MARCHF4: variants seen among roughly 807,000 people sequenced by gnomAD.
MARCHF4 encodes the protein E3 ubiquitin-protein ligase MARCHF4.
Under a neutral mutation model 43.9 loss-of-function variants are expected in MARCHF4, and 14 were observed. The observed-to-expected ratio is 0.32, with a 90% CI of 0.21 to 0.50. MARCHF4 has a LOEUF of 0.50. Ranked by LOEUF, MARCHF4 falls within the 20% of genes least tolerant of loss-of-function variation. The probability of loss-of-function intolerance (pLI) is 0.98; values close to 1 mark genes in which losing one functional copy is unlikely to be tolerated. For missense variants in MARCHF4, 468 were observed against 536.7 expected (o/e 0.87, Z 1.27); for synonymous variants, 226 against 213.3 (o/e 1.06, Z -0.52).
intron 1 of MARCHF4, among the ~76,000 whole-genome samples, chr2:216,354,917 T>TCC (rs1308431337): frequency 8.1e-5 from 9 of 111,036 alleles, no homozygotes; most frequent in East Asian, 2.7e-4. Flanking sequence ...CTTTCTTTCT[T>TCC]TCTTTCTTTC....
intron 3 of MARCHF4, chr2:216,266,008 A>T (rs924207033): frequency 6.6e-6 from 1 of 152,278 alleles, no homozygotes; most frequent in Middle Eastern, 3.4e-3. Context: ...CTAAATTTTG[A>T]TCACAAAACT....
intron 1 of MARCHF4, among the ~76,000 whole-genome samples, chr2:216,362,039 G>A (rs1299837660): frequency 6.6e-6 from 1 of 152,150 alleles, no homozygotes; most frequent in African/African-American, 2.4e-5. Context: ...AGACCACTCT[G>A]CTGGGAAGGG....
chr2:216,298,291 G>A (rs1157437373), intron 1 of MARCHF4, among the ~76,000 whole-genome samples: 3 of 112,480 alleles, frequency 2.7e-5, no homozygotes, highest in African/African-American at 1.0e-4. Context: ...TTTTTACAGG[G>A]TCTGACTCTG....
chr2:216,307,233 C>G (rs887246174), intron 1 of MARCHF4, among the ~76,000 whole-genome samples: 5 of 152,130 alleles, frequency 3.3e-5, no homozygotes, highest in African/African-American at 1.2e-4. Context: ...CCCGCAGGGA[C>G]TCACAGGGGC....
chr2:216,348,873 T>G (rs1692359765), intron 1 of MARCHF4, among the ~76,000 whole-genome samples: 1 of 152,028 alleles, frequency 6.6e-6, no homozygotes, highest in Admixed American at 6.5e-5. Context: ...CCATTCAAAC[T>G]TGATCAATTT....
chr2:216,327,260 C>T (rs895604396), intron 1 of MARCHF4, among the ~76,000 whole-genome samples: 10 of 151,954 alleles, frequency 6.6e-5, no homozygotes, highest in Non-Finnish European at 1.3e-4. Flanking sequence ...AAGCCCCATG[C>T]CCTTTCTATT....
At chr2:216,277,277 G>C (rs528240970) in intron 3 of MARCHF4, among the ~76,000 whole-genome samples, 1 of 152,298 alleles carries the variant, frequency 6.6e-6, no homozygotes, top group East Asian at 1.9e-4. Context: ...TCTCTAGGTA[G>C]TTTGCTGTGA....
chr2:216,299,584 A>ATTTCAGCC (rs1691455119), intron 1 of MARCHF4, among the ~76,000 whole-genome samples: 1 of 152,312 alleles, frequency 6.6e-6, no homozygotes, highest in Non-Finnish European at 1.5e-5. Context: ...CCCTGCTGCA[A>ATTTCAGCC]TTTCAGCCTT....
chr2:216,344,144 T>A (rs1692277003), intron 1 of MARCHF4, among the ~76,000 whole-genome samples: 1 of 152,148 alleles, frequency 6.6e-6, no homozygotes, highest in Admixed American at 6.6e-5. Context: ...TATAGAGGAA[T>A]GGGAAGTGGC....
At chr2:216,295,758 C>T (rs1691380725) in intron 1 of MARCHF4, among the ~76,000 whole-genome samples, 1 of 152,158 alleles carries the variant, frequency 6.6e-6, no homozygotes, top group African/African-American at 2.4e-5. Flanking sequence ...TGCCTGGGAG[C>T]CTAGATCATG....
intron 1 of MARCHF4, among the ~76,000 whole-genome samples, chr2:216,298,969 T>C (rs1298501977): frequency 6.6e-6 from 1 of 152,222 alleles, no homozygotes; most frequent in Non-Finnish European, 1.5e-5. Context: ...TTTCCACCTA[T>C]GTCATCTGAG....
At chr2:216,277,642 C>T (rs1691048488) in intron 3 of MARCHF4, 30 bp downstream of exon 3, 1 of 1,565,040 alleles carries the variant, frequency 6.4e-7, no homozygotes, top group Non-Finnish European at 8.7e-7. Context: ...TGGTTCCCCA[C>T]TTCCCATGGA....
At chr2:216,366,727 C>T (rs1692671795) in intron 1 of MARCHF4, among the ~76,000 whole-genome samples, 1 of 152,168 alleles carries the variant, frequency 6.6e-6, no homozygotes, top group Non-Finnish European at 1.5e-5. Flanking sequence ...CCCACTGCCT[C>T]CCTTTCATTC....
At chr2:216,354,317 G>A (rs554177607) in intron 1 of MARCHF4, among the ~76,000 whole-genome samples, 1 of 152,260 alleles carries the variant, frequency 6.6e-6, no homozygotes. Flanking sequence ...GCCATATTTT[G>A]GCATACATTT....
intron 2 of MARCHF4, among the ~76,000 whole-genome samples, chr2:216,281,361 G>A (rs2105939767): frequency 6.6e-6 from 1 of 152,252 alleles, no homozygotes; most frequent in South Asian, 2.1e-4. Flanking sequence ...ACCATGCCTG[G>A]CCTATTTCTC....
At chr2:216,361,386 C>T (rs1009042882) in intron 1 of MARCHF4, among the ~76,000 whole-genome samples, 2 of 152,186 alleles carry the variant, frequency 1.3e-5, no homozygotes, top group Non-Finnish European at 2.9e-5. Context: ...CAGAAACACT[C>T]GTCCAAGGAG....
At chr2:216,327,306 G>A (rs898060980) in intron 1 of MARCHF4, among the ~76,000 whole-genome samples, 2 of 151,724 alleles carry the variant, frequency 1.3e-5, no homozygotes, top group African/African-American at 4.8e-5. Context: ...TCCAAATGCT[G>A]AATTATATTA....
chr2:216,344,075 GGAGA>G (rs1235464433), intron 1 of MARCHF4, among the ~76,000 whole-genome samples: 2 of 152,066 alleles, frequency 1.3e-5, no homozygotes, highest in Non-Finnish European at 2.9e-5. Context: ...AGAGAATTTG[GGAGA>G]GAGCTCAGTT....
chr2:216,347,689 T>G (rs1692342598), intron 1 of MARCHF4, among the ~76,000 whole-genome samples: 1 of 150,288 alleles, frequency 6.7e-6, no homozygotes, highest in Non-Finnish European at 1.5e-5. Context: ...ATGGTGCCAC[T>G]GCACTCCAGC....
Sources: allele counts gnomAD v4.1 joint callset (sites outside exome capture counted in the v4.1 genomes callset), GRCh38; gene constraint gnomAD v4.1.1; transcripts MANE v1.5; gene names NCBI Gene and HGNC (gene_info 2026-07-23, HGNC 2026-07-21).